Variants in DGKB observed in about 807,000 individuals in gnomAD.
DGKB encodes the protein diacylglycerol kinase beta, also known as 90 kDa diacylglycerol kinase.
A neutral mutation model predicts 114.3 loss-of-function variants in DGKB; 67 were observed. The ratio of observed to expected loss-of-function variants is 0.59; its 90% CI spans 0.48 to 0.72. DGKB has a LOEUF of 0.72. Ranked by LOEUF, DGKB falls within the 30% of genes least tolerant of loss-of-function variation. The pLI is 0.00. For missense variants in DGKB, 907 were observed against 975.2 expected (o/e 0.93, Z 0.93); for synonymous variants, 398 against 323.1 (o/e 1.23, Z -2.49).
At chr7:14,361,757 T>A (rs1362118667) in intron 21 of DGKB, among the ~76,000 whole-genome samples, 1 of 152,024 alleles carries the variant, frequency 6.6e-6, no homozygotes, top group Admixed American at 6.6e-5. Flanking sequence ...TATGTCCATA[T>A]AAACAGATAA....
intron 4 of DGKB, chr7:14,750,015 A>T: frequency 2.2e-6 from 1 of 456,376 alleles, no homozygotes; most frequent in Non-Finnish European, 4.4e-6. Flanking sequence ...TCATTATGTA[A>T]CACTATCCAA....
In DGKB at chr7:14,575,780, A is replaced by AT. The variant is rs374229090; in HGVS notation, c.1610-1409dup. On this transcript the variant is annotated intron_variant, in intron 19 of 25. Coordinates refer to ENST00000402815, the MANE Select transcript of DGKB (RefSeq NM_001350709.2). ...TTTCAGTTTTTATTTTTTTCTGTTC[A>AT]TTATTTAATTGTTGAACAAGGAAAT... is the stretch of plus-strand genomic sequence containing the variant. Among the ~76,000 whole-genome samples the AT allele has an allele frequency of 3.5e-3, 530 of 152,270 alleles. 6 individuals carry two copies. Among genetic ancestry groups the AT allele is most frequent in the African/African-American group, 0.012 (508 of 41,558 alleles).
intron 14 of DGKB, among the ~76,000 whole-genome samples, chr7:14,628,723 T>C (rs1453612926): frequency 6.6e-6 from 1 of 152,158 alleles, no homozygotes; most frequent in Non-Finnish European, 1.5e-5. Context: ...TGTCTTTCTG[T>C]GTGTATATAT....
intron 6 of DGKB, among the ~76,000 whole-genome samples, chr7:14,711,718 A>G (rs150344307): frequency 6.6e-6 from 1 of 152,244 alleles, no homozygotes; most frequent in East Asian, 1.9e-4. Flanking sequence ...TTAACAGATT[A>G]TCTTCACAGG....
intron 23 of DGKB, among the ~76,000 whole-genome samples, chr7:14,203,460 A>G (rs1179263923): frequency 6.6e-6 from 1 of 152,000 alleles, no homozygotes; most frequent in Non-Finnish European, 1.5e-5. Flanking sequence ...AAGAGTACAC[A>G]TGTAAAACCA....
chr7:14,680,403 T>C (rs1048958370), intron 12 of DGKB, among the ~76,000 whole-genome samples: 2 of 151,952 alleles, frequency 1.3e-5, no homozygotes, highest in Non-Finnish European at 2.9e-5. Flanking sequence ...TTTTTAAAAG[T>C]ACAGTCTATT....
chr7:14,572,404 A>G (rs1169390555), intron 20 of DGKB, among the ~76,000 whole-genome samples: 1 of 151,882 alleles, frequency 6.6e-6, no homozygotes, highest in Non-Finnish European at 1.5e-5. Context: ...GTGAGCCGAG[A>G]TCGTGCCACT....
At chr7:14,718,736 A>G (rs1828651645) in intron 5 of DGKB, 51 bp from the exon 6 acceptor site, 3 of 1,351,020 alleles carry the variant, frequency 2.2e-6, no homozygotes, top group Non-Finnish European at 3.1e-6. Context: ...AGTGATCTCA[A>G]ACAGAAAACA....
intron 1 of DGKB, among the ~76,000 whole-genome samples, chr7:14,849,377 G>C (rs139382862): frequency 6.6e-6 from 1 of 151,980 alleles, no homozygotes; most frequent in African/African-American, 2.4e-5. Context: ...CCTTTGAGGG[G>C]TATTTAGGCC....
intron 20 of DGKB, among the ~76,000 whole-genome samples, chr7:14,503,653 G>C (rs1786561592): frequency 6.6e-6 from 1 of 152,160 alleles, no homozygotes; most frequent in African/African-American, 2.4e-5. Context: ...ATGGGTCTGA[G>C]ATGAGGCTAA....
intron 2 of DGKB, among the ~76,000 whole-genome samples, chr7:14,831,826 C>G (rs1043781033): frequency 6.6e-5 from 10 of 152,080 alleles, no homozygotes; most frequent in African/African-American, 2.4e-4. Context: ...TTGCTCCTAA[C>G]GGATTTGAAG....
chr7:14,829,816 A>G (rs1405123452), intron 2 of DGKB, among the ~76,000 whole-genome samples: 1 of 152,106 alleles, frequency 6.6e-6, no homozygotes, highest in Non-Finnish European at 1.5e-5. Context: ...GACAAAACAT[A>G]TTATTAATTG....
rs140503519 is a variant in DGKB, at chr7:14,467,993, T to C, written c.1835+10168A>G. On this transcript the variant is annotated intron_variant, in intron 21 of 25. Transcript: ENST00000402815. ...TCCTCACAATTGTTCCCTGGGATAA[T>C]TGCCACCAAGAATCAATTGATTCTA... is the stretch of plus-strand genomic sequence containing the variant. 6.6e-5 allele frequency among the ~76,000 whole-genome samples: 10 copies of C among 152,270 alleles called. No individual in the cohort carries two copies. In the East Asian group the frequency reaches 1.9e-3, roughly 29 times the overall value.
At chr7:14,361,400 A>G (rs572682216) in intron 21 of DGKB, among the ~76,000 whole-genome samples, 1 of 152,060 alleles carries the variant, frequency 6.6e-6, no homozygotes, top group African/African-American at 2.4e-5. Flanking sequence ...GAATAATTCT[A>G]TAGTTTAACA....
chr7:14,187,551 GC>G (rs1227879947), intron 23 of DGKB, among the ~76,000 whole-genome samples: 1 of 152,290 alleles, frequency 6.6e-6, no homozygotes, highest in East Asian at 1.9e-4. Flanking sequence ...CTACACTGCT[GC>G]CATCACAAAC....
chr7:14,238,352 GCTT>G (rs1793121094), intron 23 of DGKB, among the ~76,000 whole-genome samples: 1 of 151,860 alleles, frequency 6.6e-6, no homozygotes, highest in South Asian at 2.1e-4. Flanking sequence ...ACTGTGCCTT[GCTT>G]CTTCTTCTGC....
At chr7:14,880,901 C>A (rs1487912720) in intron 1 of DGKB, among the ~76,000 whole-genome samples, 1 of 151,942 alleles carries the variant, frequency 6.6e-6, no homozygotes, top group Non-Finnish European at 1.5e-5. Context: ...TGCTCGTTTC[C>A]AGTTTTATGT....
chr7:14,571,525 T>G (rs1325739312), intron 20 of DGKB, among the ~76,000 whole-genome samples: 1 of 152,144 alleles, frequency 6.6e-6, no homozygotes, highest in Non-Finnish European at 1.5e-5. Flanking sequence ...GAATCAAACT[T>G]TCATATGGGC....
intron 1 of DGKB, among the ~76,000 whole-genome samples, chr7:14,869,735 T>C (rs1283710858): frequency 2.0e-5 from 3 of 152,214 alleles, no homozygotes; most frequent in Admixed American, 6.5e-5. Flanking sequence ...GTTACTAATG[T>C]TTTTCAACAG....
Sources: allele counts gnomAD v4.1 joint callset (sites outside exome capture counted in the v4.1 genomes callset), GRCh38; gene constraint gnomAD v4.1.1; transcripts MANE v1.5; gene names NCBI Gene and HGNC (gene_info 2026-07-23, HGNC 2026-07-21).